GRM7: variants seen among roughly 807,000 people sequenced by gnomAD.
GRM7 encodes metabotropic glutamate receptor 7.
Under a neutral mutation model 84.5 loss-of-function variants are expected in GRM7, and 35 were observed. The observed-to-expected ratio is 0.41, with a 90% CI of 0.32 to 0.55. GRM7 has a LOEUF of 0.55. GRM7 is among the 20% of genes least tolerant of loss of function. The pLI, the probability that GRM7 is intolerant of heterozygous loss-of-function variation, is 0.19. For missense variants in GRM7, 1,003 were observed against 1,194.6 expected, an observed-to-expected ratio of 0.84 and a Z score of 2.36; for synonymous variants, 487 against 455.1, an observed-to-expected ratio of 1.07 and a Z score of -0.89.
chr3:6,922,055 C>T (rs73124780), intron 1 of GRM7, among the ~76,000 whole-genome samples: 4 of 152,198 alleles, frequency 2.6e-5, no homozygotes, highest in Non-Finnish European at 1.5e-5. Flanking sequence ...TTTCAATTCC[C>T]TCGCAAACAT....
chr3:7,167,570 T>C (rs1285613240), intron 2 of GRM7, among the ~76,000 whole-genome samples: 1 of 152,148 alleles, frequency 6.6e-6, no homozygotes, highest in East Asian at 1.9e-4. Flanking sequence ...AAAATCAAAA[T>C]ACATCAGATC....
intron 7 of GRM7, among the ~76,000 whole-genome samples, chr3:7,498,197 C>T (rs1192038953): frequency 2.0e-5 from 3 of 151,848 alleles, no homozygotes; most frequent in South Asian, 2.1e-4. Context: ...TTTTTATTAT[C>T]GAAGTCCCCA....
intron 1 of GRM7, among the ~76,000 whole-genome samples, chr3:7,092,785 A>C (rs1227086429): frequency 3.3e-5 from 5 of 152,148 alleles, no homozygotes; most frequent in Non-Finnish European, 7.4e-5. Context: ...CCAATATTAG[A>C]CTTCAGAGAA....
intron 9 of GRM7, among the ~76,000 whole-genome samples, chr3:7,737,536 A>G (rs577480426): frequency 6.6e-6 from 1 of 152,286 alleles, no homozygotes; most frequent in East Asian, 1.9e-4. Flanking sequence ...AATAAATGGA[A>G]TTATCAGACA....
At chr3:7,242,713 G>GACGT (rs1440425468) in intron 2 of GRM7, among the ~76,000 whole-genome samples, 1 of 152,080 alleles carries the variant, frequency 6.6e-6, no homozygotes, top group Non-Finnish European at 1.5e-5. Flanking sequence ...CAGACGAAGA[G>GACGT]ACGTAGTCCA....
chr3:7,659,052 G>A (rs1699320107), intron 8 of GRM7, among the ~76,000 whole-genome samples: 1 of 152,172 alleles, frequency 6.6e-6, no homozygotes, highest in African/African-American at 2.4e-5. Context: ...TATCAACTCA[G>A]TAACTGAATA....
At chr3:7,598,120 C>T (rs1390322585) in intron 8 of GRM7, among the ~76,000 whole-genome samples, 2 of 152,162 alleles carry the variant, frequency 1.3e-5, no homozygotes, top group African/African-American at 2.4e-5. Flanking sequence ...TCTTAGGACT[C>T]TTCTTCAGTC....
At chr3:7,054,801 C>G (rs1697153778) in intron 1 of GRM7, among the ~76,000 whole-genome samples, 1 of 151,768 alleles carries the variant, frequency 6.6e-6, no homozygotes, top group African/African-American at 2.4e-5. Context: ...CTACTGTTTT[C>G]TGTCTTCAAA....
At chr3:7,046,095 T>G (rs1004708291) in intron 1 of GRM7, among the ~76,000 whole-genome samples, 1 of 152,140 alleles carries the variant, frequency 6.6e-6, no homozygotes, top group African/African-American at 2.4e-5. Context: ...TATATTGGCT[T>G]GGGTTGACTT....
intron 1 of GRM7, among the ~76,000 whole-genome samples, chr3:6,917,990 C>G (rs1482455553): frequency 1.3e-5 from 2 of 152,136 alleles, no homozygotes; most frequent in Non-Finnish European, 2.9e-5. Flanking sequence ...AATTGATAAG[C>G]TAAGGTTTCT....
chr3:7,251,691 G>T (rs1171015299), intron 2 of GRM7, among the ~76,000 whole-genome samples: 1 of 152,138 alleles, frequency 6.6e-6, no homozygotes, highest in Non-Finnish European at 1.5e-5. Flanking sequence ...TTAACTACCA[G>T]TCAGTTCAGT....
intron 1 of GRM7, among the ~76,000 whole-genome samples, chr3:6,955,933 C>T (rs1382821668): frequency 3.9e-5 from 6 of 151,994 alleles, no homozygotes; most frequent in African/African-American, 1.5e-4. Flanking sequence ...TGTGCAGTGA[C>T]ATTTCTGAAA....
At chr3:7,186,556 A>G (rs909408594) in intron 2 of GRM7, among the ~76,000 whole-genome samples, 7 of 152,336 alleles carry the variant, frequency 4.6e-5, no homozygotes, top group African/African-American at 1.4e-4. Flanking sequence ...AAAAATAAAT[A>G]TCTCACCAGA....
intron 5 of GRM7, among the ~76,000 whole-genome samples, chr3:7,447,737 T>A (rs13325082): frequency 0.36 from 54,503 of 151,208 alleles, 11,080 homozygotes; most frequent in Non-Finnish European, 0.48. Flanking sequence ...CTTTTTTTTT[T>A]AATATTTATT....
intron 8 of GRM7, among the ~76,000 whole-genome samples, chr3:7,650,626 A>C (rs895191828): frequency 2.0e-5 from 3 of 152,196 alleles, no homozygotes; most frequent in African/African-American, 7.2e-5. Context: ...TAGCACTATG[A>C]AGTGTGGAAT....
chr3:7,038,718 C>T (rs1696477591), intron 1 of GRM7, among the ~76,000 whole-genome samples: 1 of 152,114 alleles, frequency 6.6e-6, no homozygotes, highest in African/African-American at 2.4e-5. Flanking sequence ...ATGCTGTGAA[C>T]AGTAAAAAGA....
At chr3:7,066,736 AC>A (rs1337825131) in intron 1 of GRM7, among the ~76,000 whole-genome samples, 2 of 151,918 alleles carry the variant, frequency 1.3e-5, no homozygotes, top group Non-Finnish European at 2.9e-5. Flanking sequence ...AAAACTACAG[AC>A]TGATATCCTC....
intron 1 of GRM7, among the ~76,000 whole-genome samples, chr3:7,036,456 T>G (rs1185229904): frequency 6.6e-6 from 1 of 152,130 alleles, no homozygotes; most frequent in Admixed American, 6.6e-5. Flanking sequence ...GTCATCATCT[T>G]GAGAATCACA....
intron 7 of GRM7, among the ~76,000 whole-genome samples, chr3:7,536,567 C>T (rs1161453611): frequency 6.6e-6 from 1 of 152,190 alleles, no homozygotes; most frequent in Admixed American, 6.5e-5. Flanking sequence ...CAGAATATGG[C>T]ACAGGTGATA....
Sources: allele counts gnomAD v4.1 joint callset (sites outside exome capture counted in the v4.1 genomes callset), GRCh38; gene constraint gnomAD v4.1.1; transcripts MANE v1.5; gene names NCBI Gene and HGNC (gene_info 2026-07-23, HGNC 2026-07-21).